The following RNF150 variants were observed in gnomAD, a reference collection of about 807,000 sequenced individuals.
RNF150 encodes ring finger protein 150.
A neutral mutation model predicts 39.3 loss-of-function variants in RNF150; 24 were observed. The observed-to-expected ratio is 0.61, with a 90% CI of 0.44 to 0.86. The LOEUF (loss-of-function observed/expected upper bound fraction) is 0.86, where lower values mean the gene tolerates loss of function less well. RNF150 is among the 40% of genes least tolerant of loss of function. The pLI is 0.00. For missense variants in RNF150, 502 were observed against 587.8 expected, an observed-to-expected ratio of 0.85 and a Z score of 1.51; for synonymous variants, 255 against 227.3, an observed-to-expected ratio of 1.12 and a Z score of -1.10.
intron 1 of RNF150, among the ~76,000 whole-genome samples, chr4:141,156,734 T>TAAAAAA (rs3081645): frequency 2.1e-5 from 2 of 96,624 alleles, no homozygotes; most frequent in Admixed American, 1.2e-4. Context: ...TCTCTACTAC[T>TAAAAAA]AAAAAAAAAA....
At position 140,926,040 on chromosome 4, in the gene RNF150, C is replaced by A; in HGVS notation, c.924G>T (p.Trp308Cys). The change falls in exon 5 of 7, where the codon TGG becomes TGT. Residue 308 changes from tryptophan to cysteine, a missense_variant. Physicochemically the swap from Trp to Cys is radical, Grantham distance 215. Transcript: ENST00000515673. ...HLFHKSCVDP[W>C]LLDHRTCPMC... The stretch of plus-strand genomic sequence containing the variant: ...TGGGACAGGTACGATGGTCTAGAAG[C>A]CAGGGGTCAACACAGGACTTGTGGA... 6.2e-7 allele frequency: 1 copy of A among 1,613,978 alleles called. No homozygotes were observed. The highest frequency in any genetic ancestry group is 8.5e-7 in the Non-Finnish European group (1 of 1,179,884).
At chr4:141,068,260 C>G (rs919237756) in intron 1 of RNF150, among the ~76,000 whole-genome samples, 1 of 152,172 alleles carries the variant, frequency 6.6e-6, no homozygotes, top group Non-Finnish European at 1.5e-5. Flanking sequence ...ACATTCTTCT[C>G]AGTGAACTAA....
At chr4:141,000,365 G>A (rs774870946) in intron 1 of RNF150, among the ~76,000 whole-genome samples, 23 of 152,044 alleles carry the variant, frequency 1.5e-4, no homozygotes, top group Non-Finnish European at 3.4e-4. Flanking sequence ...TTCTTGGGTC[G>A]GTATGTATAA....
intron 4 of RNF150, among the ~76,000 whole-genome samples, chr4:140,931,162 A>C (rs1403368790): frequency 6.6e-6 from 1 of 152,158 alleles, no homozygotes; most frequent in Non-Finnish European, 1.5e-5. Flanking sequence ...TTAATTGTAA[A>C]CTACCATAAA....
intron 2 of RNF150, among the ~76,000 whole-genome samples, chr4:140,953,824 CAT>C (rs1732640110): frequency 6.6e-6 from 1 of 152,064 alleles, no homozygotes; most frequent in South Asian, 2.1e-4. Flanking sequence ...TAAGTAAAAA[CAT>C]AAACATTCTT....
chr4:140,997,723 T>TGTATATATACACACACATATATGTGTGG (rs70946721), intron 1 of RNF150, among the ~76,000 whole-genome samples: 2 of 151,866 alleles, frequency 1.3e-5, no homozygotes, highest in Non-Finnish European at 1.5e-5. Context: ...TATATGTGTG[T>TGTATATATACACACACATATATGTGTGG]ATAAAAAGAT....
chr4:141,122,701 T>A (rs1377112649), intron 1 of RNF150, among the ~76,000 whole-genome samples: 9 of 152,200 alleles, frequency 5.9e-5, no homozygotes, highest in African/African-American at 2.2e-4. Context: ...TCAAAATGTA[T>A]GATTAAATTT....
intron 1 of RNF150, among the ~76,000 whole-genome samples, chr4:141,089,006 A>G (rs1483874240): frequency 6.6e-6 from 1 of 152,168 alleles, no homozygotes; most frequent in Non-Finnish European, 1.5e-5. Context: ...CACTCAGATG[A>G]ATTTTCTTGC....
At chr4:141,026,325 T>C (rs1007822801) in intron 1 of RNF150, among the ~76,000 whole-genome samples, 8 of 152,132 alleles carry the variant, frequency 5.3e-5, no homozygotes, top group Non-Finnish European at 1.0e-4. Flanking sequence ...GAGTATATAT[T>C]GGAGAGAATG....
intron 6 of RNF150, among the ~76,000 whole-genome samples, chr4:140,878,604 T>C (rs1729259838): frequency 6.6e-6 from 1 of 152,220 alleles, no homozygotes; most frequent in Admixed American, 6.5e-5. Context: ...TCAATAGGGT[T>C]ATTTATTCTG....
intron 2 of RNF150, among the ~76,000 whole-genome samples, chr4:140,962,551 A>G (rs140739987): frequency 0.012 from 1,775 of 152,042 alleles, 15 homozygotes; most frequent in South Asian, 0.036. Flanking sequence ...ACTGAAGCAT[A>G]TTAGTTCTAC....
intron 1 of RNF150, among the ~76,000 whole-genome samples, chr4:141,018,401 C>T (rs1459008118): frequency 6.6e-6 from 1 of 152,108 alleles, no homozygotes; most frequent in African/African-American, 2.4e-5. Flanking sequence ...TAGACAATAC[C>T]ATCACATCCC....
chr4:141,103,214 A>G (rs1399116234), intron 1 of RNF150, among the ~76,000 whole-genome samples: 3 of 152,220 alleles, frequency 2.0e-5, no homozygotes, highest in African/African-American at 4.8e-5. Context: ...TTGGCCTCCA[A>G]TAAAAACTAT....
intron 1 of RNF150, among the ~76,000 whole-genome samples, chr4:141,180,656 C>T (rs75658769): frequency 2.0e-5 from 3 of 152,140 alleles, no homozygotes; most frequent in African/African-American, 7.2e-5. Context: ...GTGCCATACT[C>T]CTCATCTGAA....
rs1728726201 is a variant in RNF150, at chr4:140,866,753, C to T, written c.*1508G>A. 6.6e-6 allele frequency: 1 copy of T among 152,180 alleles called. No individual in the cohort carries two copies. The allele number at this position is 152,180 out of a possible 1,614,324, so 9.4% of individuals were successfully genotyped here. ...AGCTTTCTTTCCTGGTTAATCCAAG[C>T]CGCAGCCTGGTGTTTGCCAGCTGTG... On this transcript the variant is annotated 3_prime_UTR_variant, in exon 7 of 7. Transcript: ENST00000515673.
intron 2 of RNF150, among the ~76,000 whole-genome samples, chr4:140,963,408 G>C (rs1424243505): frequency 6.6e-6 from 1 of 151,980 alleles, no homozygotes; most frequent in Non-Finnish European, 1.5e-5. Context: ...TCCTATACAT[G>C]CACTGCCATA....
intron 2 of RNF150, among the ~76,000 whole-genome samples, chr4:140,958,595 G>A (rs1330277790): frequency 3.3e-5 from 5 of 152,068 alleles, no homozygotes; most frequent in Non-Finnish European, 7.4e-5. Flanking sequence ...CTAGGATCAG[G>A]CAATCAGCAT....
chr4:141,196,569 T>C (rs1038760072), intron 1 of RNF150, among the ~76,000 whole-genome samples: 2 of 152,200 alleles, frequency 1.3e-5, no homozygotes, highest in East Asian at 3.9e-4. Context: ...ACATTGTTTC[T>C]CAAGTCAGGA....
intron 1 of RNF150, among the ~76,000 whole-genome samples, chr4:141,068,095 G>A (rs948569802): frequency 1.7e-4 from 26 of 151,970 alleles, no homozygotes; most frequent in African/African-American, 4.4e-4. Flanking sequence ...CCAAGTATGC[G>A]TCACCATGCC....
Sources: allele counts gnomAD v4.1 joint callset (sites outside exome capture counted in the v4.1 genomes callset), GRCh38; gene constraint gnomAD v4.1.1; transcripts MANE v1.5; gene names NCBI Gene and HGNC (gene_info 2026-07-23, HGNC 2026-07-21).